The following RBM20 variants were observed in gnomAD, a reference collection of about 807,000 sequenced individuals.
RBM20 encodes the protein RNA-binding protein 20.
In RBM20, 51 loss-of-function variants were observed where a neutral mutation model predicts 110.1. The observed-to-expected ratio is 0.46, with a 90% CI of 0.37 to 0.59. The LOEUF (loss-of-function observed/expected upper bound fraction) is 0.59. Ranked by LOEUF, RBM20 falls within the 20% of genes least tolerant of loss-of-function variation. The pLI is 0.00. For synonymous variants in RBM20, 589 were observed against 618.2 expected (o/e 0.95, Z 0.70); for missense variants, 1,512 against 1,574.9 (o/e 0.96, Z 0.68).
intron 12 of RBM20, among the ~76,000 whole-genome samples, chr10:110,826,542 C>G (rs1844982987): frequency 6.7e-6 from 1 of 150,328 alleles, no homozygotes; most frequent in Non-Finnish European, 1.5e-5. Context: ...TGAGATTCAT[C>G]TGTACTGTTG....
chr10:110,650,807 C>T (rs1861935529), intron 1 of RBM20, among the ~76,000 whole-genome samples: 1 of 152,112 alleles, frequency 6.6e-6, no homozygotes, highest in Non-Finnish European at 1.5e-5. Context: ...TTAGGCCTGC[C>T]CTTCAACCTG....
intron 5 of RBM20, among the ~76,000 whole-genome samples, chr10:110,794,828 CTCT>C (rs1445181750): frequency 6.6e-6 from 1 of 152,218 alleles, no homozygotes; most frequent in African/African-American, 2.4e-5. Context: ...ATGAATGCTT[CTCT>C]TCTTTGGTGA....
intron 1 of RBM20, among the ~76,000 whole-genome samples, chr10:110,714,750 G>A (rs1055043540): frequency 9.2e-5 from 14 of 152,130 alleles, no homozygotes; most frequent in African/African-American, 3.4e-4. Flanking sequence ...TTGAGAAGGG[G>A]CAACATGGTC....
intron 1 of RBM20, among the ~76,000 whole-genome samples, chr10:110,756,169 C>T (rs1169137754): frequency 1.3e-5 from 2 of 152,150 alleles, no homozygotes; most frequent in East Asian, 1.9e-4. Context: ...TGTTGGATCA[C>T]GATTTTAAAA....
At chr10:110,802,717 T>G (rs1251864250) in intron 7 of RBM20, among the ~76,000 whole-genome samples, 1 of 152,226 alleles carries the variant, frequency 6.6e-6, no homozygotes, top group Non-Finnish European at 1.5e-5. Flanking sequence ...AAATGTGCAC[T>G]GAGTGCTCAC....
intron 1 of RBM20, among the ~76,000 whole-genome samples, chr10:110,752,945 A>ATATATATATT (rs1433992064): frequency 7.0e-4 from 76 of 108,980 alleles, no homozygotes; most frequent in African/African-American, 2.7e-3. Flanking sequence ...ATATATATAT[A>ATATATATATT]TTTTTTTTTT....
At chr10:110,828,581 A>G (rs989211686) in intron 12 of RBM20, among the ~76,000 whole-genome samples, 5 of 152,214 alleles carry the variant, frequency 3.3e-5, no homozygotes, top group Non-Finnish European at 7.3e-5. Context: ...AGCTTCTGTG[A>G]TGAAATATTT....
At chr10:110,722,628 A>G (rs999567903) in intron 1 of RBM20, among the ~76,000 whole-genome samples, 1 of 151,372 alleles carries the variant, frequency 6.6e-6, no homozygotes, top group African/African-American at 2.5e-5. Context: ...ACATAAAGCT[A>G]AAGTCTCTTT....
intron 1 of RBM20, among the ~76,000 whole-genome samples, chr10:110,677,375 G>T (rs569162774): frequency 6.6e-6 from 1 of 151,912 alleles, no homozygotes; most frequent in South Asian, 2.1e-4. Context: ...CTGGAGTACA[G>T]TGGCTCCATC....
At chr10:110,748,634 C>T (rs1041112804) in intron 1 of RBM20, among the ~76,000 whole-genome samples, 3 of 152,118 alleles carry the variant, frequency 2.0e-5, no homozygotes, top group South Asian at 2.1e-4. Context: ...ATCACACTTA[C>T]GAGTTGTTGT....
intron 6 of RBM20, 65 bp downstream of exon 6, chr10:110,797,713 T>A: frequency 6.7e-7 from 1 of 1,484,266 alleles, no homozygotes; most frequent in Non-Finnish European, 9.1e-7. Flanking sequence ...AAGGGAACGA[T>A]ATAATTTTTG....
At chr10:110,782,013 T>A in intron 2 of RBM20, 129 bp downstream of exon 2, 12 of 1,160,942 alleles carry the variant, frequency 1.0e-5, no homozygotes, top group Non-Finnish European at 1.2e-5. Flanking sequence ...CCATCAGTAT[T>A]CTTGACTAAA....
intron 1 of RBM20, among the ~76,000 whole-genome samples, chr10:110,763,781 T>C (rs1027024775): frequency 6.0e-5 from 9 of 149,436 alleles, no homozygotes; most frequent in African/African-American, 2.2e-4. Flanking sequence ...TTTTTGGTAT[T>C]GTACTTTCTG....
rs1225391471 is a variant in RBM20, at chr10:110,757,841, C to T, written c.192-22960C>T. Among the ~76,000 whole-genome samples, 3 of 151,968 alleles carry T rather than the reference C, an allele frequency of 2.0e-5. No individual in the cohort carries two copies. In the South Asian group the frequency reaches 6.2e-4, roughly 32 times the overall value. Reference sequence around the variant, plus strand: ...GGCCCATGCTTAGACATTATGGTGGCCCATGGGAAGATTAGCTGCATCTCT... The same window carrying T: ...GGCCCATGCTTAGACATTATGGTGGTCCATGGGAAGATTAGCTGCATCTCT... On this transcript the variant is annotated intron_variant, in intron 1 of 13. Coordinates refer to ENST00000369519, the MANE Select transcript of RBM20 (RefSeq NM_001134363.3).
intron 9 of RBM20, among the ~76,000 whole-genome samples, chr10:110,817,752 G>A (rs1844857927): frequency 6.6e-6 from 1 of 152,210 alleles, no homozygotes; most frequent in African/African-American, 2.4e-5. Context: ...GAGGCACGGT[G>A]AGTATTGACT....
intron 1 of RBM20, among the ~76,000 whole-genome samples, chr10:110,726,598 C>T (rs957110621): frequency 4.6e-5 from 7 of 152,206 alleles, no homozygotes; most frequent in African/African-American, 1.7e-4. Context: ...ACACCCGCTT[C>T]TTTGGTTTTT....
Position 110,781,328 on chromosome 10 carries a change from A to G in RBM20, c.719A>G (p.Tyr240Cys). 6.4e-7 allele frequency: 1 copy of G among 1,551,696 alleles called. No individual in the cohort carries two copies. The highest frequency in any genetic ancestry group is 8.7e-7 in the Non-Finnish European group (1 of 1,146,990). ...EYGKASSGQT[Y>C]GPETDGQPGF... Reference sequence around the variant, plus strand: ...GGCAAAGCCAGCTCTGGCCAGACATATGGCCCTGAAACAGATGGTCAGCCT... The same window carrying G: ...GGCAAAGCCAGCTCTGGCCAGACATGTGGCCCTGAAACAGATGGTCAGCCT... Residue 240 changes from tyrosine to cysteine, a missense_variant, in exon 2 of 14, where the codon TAT (tyrosine) becomes TGT (cysteine). Tyr to Cys is a radical substitution (Grantham distance 194). This residue lies in a region of RBM20 where 1,149 missense variants were observed against 1,169.4 expected (regional missense o/e 0.98). Coordinates refer to ENST00000369519, the MANE Select transcript of RBM20 (RefSeq NM_001134363.3).
At chr10:110,756,702 G>A (rs898541832) in intron 1 of RBM20, 2 of 152,262 alleles carry the variant, frequency 1.3e-5, no homozygotes, top group African/African-American at 4.8e-5. Flanking sequence ...AAGCCTGAAG[G>A]TGGGAGCTAA....
intron 9 of RBM20, among the ~76,000 whole-genome samples, chr10:110,818,761 G>A (rs1844873841): frequency 6.6e-6 from 1 of 152,240 alleles, no homozygotes; most frequent in South Asian, 2.1e-4. Context: ...AACTGCTTGG[G>A]AAGGGTAAGG....
Sources: gnomAD v4.1 joint callset for allele counts (sites outside exome capture counted in the v4.1 genomes callset) on GRCh38, gnomAD v4.1.1 for gene constraint, gnomAD v4.1.1 regional missense constraint, MANE v1.5 for transcripts, NCBI Gene and HGNC (gene_info 2026-07-23, HGNC 2026-07-21) for gene names.